CACNA2D1: variants seen among roughly 807,000 people sequenced by gnomAD.
The protein encoded by CACNA2D1 is calcium voltage-gated channel auxiliary subunit alpha2delta 1.
In CACNA2D1, 53 loss-of-function variants were observed where a neutral mutation model predicts 171.5. The observed-to-expected ratio is 0.31, with a 90% CI of 0.25 to 0.39. The LOEUF (loss-of-function observed/expected upper bound fraction) is 0.39, where lower values mean the gene tolerates loss of function less well. Ranked by LOEUF, CACNA2D1 falls within the 10% of genes least tolerant of loss-of-function variation. The pLI, the probability that CACNA2D1 is intolerant of heterozygous loss-of-function variation, is 1.00. For missense variants in CACNA2D1, 903 were observed against 1,299.8 expected, an observed-to-expected ratio of 0.69 and a Z score of 4.69; for synonymous variants, 442 against 443.1, an observed-to-expected ratio of 1.00 and a Z score of 0.03.
chr7:82,388,031 C>CA (rs1824614338), intron 1 of CACNA2D1, among the ~76,000 whole-genome samples: 1 of 147,644 alleles, frequency 6.8e-6, no homozygotes, highest in Non-Finnish European at 1.5e-5. Flanking sequence ...TATTGCACTC[C>CA]AGCCTGGGTG....
At chr7:82,270,996 G>T (rs552446288) in intron 3 of CACNA2D1, among the ~76,000 whole-genome samples, 1 of 152,036 alleles carries the variant, frequency 6.6e-6, no homozygotes, top group Non-Finnish European at 1.5e-5. Flanking sequence ...TGACAAATGA[G>T]TGTCATAATT....
intron 18 of CACNA2D1, 105 bp downstream of exon 18, chr7:82,005,318 T>C (rs1307366003): frequency 2.0e-5 from 15 of 750,842 alleles, no homozygotes; most frequent in Non-Finnish European, 3.6e-5. Context: ...GACTGTACTT[T>C]GATATTTAGT....
At chr7:82,360,275 C>G (rs1395492944) in intron 1 of CACNA2D1, among the ~76,000 whole-genome samples, 1 of 152,074 alleles carries the variant, frequency 6.6e-6, no homozygotes, top group East Asian at 1.9e-4. Context: ...TTGCAGAAGT[C>G]TTTCTTTACA....
intron 4 of CACNA2D1, among the ~76,000 whole-genome samples, chr7:82,138,457 T>G (rs1358592688): frequency 7.4e-6 from 1 of 134,794 alleles, no homozygotes; most frequent in African/African-American, 2.7e-5. Flanking sequence ...TTGTTTTTTT[T>G]TTTTTTTGAG....
At chr7:82,263,236 G>T (rs142695030) in intron 3 of CACNA2D1, among the ~76,000 whole-genome samples, 1 of 150,170 alleles carries the variant, frequency 6.7e-6, no homozygotes, top group African/African-American at 2.5e-5. Flanking sequence ...AGCCTCCCAA[G>T]TAGCTGGGAT....
intron 3 of CACNA2D1, among the ~76,000 whole-genome samples, chr7:82,221,174 C>G (rs1474448301): frequency 6.7e-6 from 1 of 148,584 alleles, no homozygotes; most frequent in Non-Finnish European, 1.5e-5. Flanking sequence ...GCACAGTGGT[C>G]TATCTTACAC....
At chr7:82,098,530 G>A (rs1406188577) in intron 6 of CACNA2D1, among the ~76,000 whole-genome samples, 7 of 152,080 alleles carry the variant, frequency 4.6e-5, no homozygotes, top group African/African-American at 1.7e-4. Flanking sequence ...AATGCTTGCT[G>A]TGCACTTGGA....
chr7:82,271,601 G>T (rs1808640882), intron 3 of CACNA2D1, among the ~76,000 whole-genome samples: 1 of 151,762 alleles, frequency 6.6e-6, no homozygotes, highest in African/African-American at 2.4e-5. Flanking sequence ...CCATATTTTT[G>T]AATAAATATA....
chr7:82,215,774 T>C (rs186495307), intron 3 of CACNA2D1, among the ~76,000 whole-genome samples: 3 of 152,320 alleles, frequency 2.0e-5, no homozygotes, highest in Admixed American at 2.0e-4. Flanking sequence ...AAAATCTCCT[T>C]GACAGGAATT....
At chr7:82,149,244 T>C (rs1005933099) in intron 4 of CACNA2D1, among the ~76,000 whole-genome samples, 1 of 152,164 alleles carries the variant, frequency 6.6e-6, no homozygotes, top group African/African-American at 2.4e-5. Flanking sequence ...AATCATCTGA[T>C]GAATTATCTT....
chr7:82,186,694 G>A (rs547820251), intron 3 of CACNA2D1, among the ~76,000 whole-genome samples: 13 of 152,078 alleles, frequency 8.5e-5, no homozygotes, highest in East Asian at 1.9e-4. Flanking sequence ...GATGGAACAC[G>A]TTAGGACAAA....
intron 3 of CACNA2D1, among the ~76,000 whole-genome samples, chr7:82,301,724 AAAT>A (rs1813022751): frequency 7.5e-6 from 1 of 133,812 alleles, no homozygotes; most frequent in Admixed American, 8.1e-5. Context: ...TAATTTTGGT[AAAT>A]AATACACACA....
At chr7:82,117,678 G>A (rs879834314) in intron 5 of CACNA2D1, among the ~76,000 whole-genome samples, 2 of 152,100 alleles carry the variant, frequency 1.3e-5, no homozygotes, top group Non-Finnish European at 2.9e-5. Context: ...GTCACAGGAG[G>A]CTTTAGGTCA....
chr7:82,034,862 A>C (rs1451282636), intron 11 of CACNA2D1, among the ~76,000 whole-genome samples: 1 of 152,082 alleles, frequency 6.6e-6, no homozygotes, highest in Non-Finnish European at 1.5e-5. Flanking sequence ...ATTTCCCGAG[A>C]GAGAGATGTT....
intron 3 of CACNA2D1, among the ~76,000 whole-genome samples, chr7:82,196,021 A>T (rs964748527): frequency 6.6e-6 from 1 of 151,664 alleles, no homozygotes; most frequent in African/African-American, 2.4e-5. Context: ...TTCCCCAGCT[A>T]CTCAGTGAGC....
intron 1 of CACNA2D1, among the ~76,000 whole-genome samples, chr7:82,362,334 T>C (rs931449089): frequency 6.6e-6 from 1 of 152,154 alleles, no homozygotes; most frequent in South Asian, 2.1e-4. Context: ...CACCCTGTAT[T>C]GTAACGTTAA....
At chr7:82,027,828 T>C (rs1482727779) in intron 12 of CACNA2D1, 1 of 151,738 alleles carries the variant, frequency 6.6e-6, no homozygotes, top group African/African-American at 2.4e-5. Context: ...GTGAATATAG[T>C]GATATCATAC....
At chr7:81,952,872 G>C (rs1057463356) in intron 38 of CACNA2D1, among the ~76,000 whole-genome samples, 2 of 151,826 alleles carry the variant, frequency 1.3e-5, no homozygotes, top group African/African-American at 4.8e-5. Context: ...TTCTCCTCTT[G>C]TATGTCTCAT....
chr7:82,177,748 G>A (rs751801300), intron 3 of CACNA2D1, among the ~76,000 whole-genome samples: 2 of 152,012 alleles, frequency 1.3e-5, no homozygotes, highest in Non-Finnish European at 2.9e-5. Context: ...CACTCATGAT[G>A]CAATTTGAAA....
Sources: allele counts gnomAD v4.1 joint callset (sites outside exome capture counted in the v4.1 genomes callset), GRCh38; gene constraint gnomAD v4.1.1; transcripts MANE v1.5; gene names NCBI Gene and HGNC (gene_info 2026-07-23, HGNC 2026-07-21).